NELL1: variants seen among roughly 807,000 people sequenced by gnomAD.
The protein encoded by NELL1 is protein kinase C-binding protein NELL1.
In NELL1, 76 loss-of-function variants were observed where a neutral mutation model predicts 107.4. That is an observed-to-expected ratio of 0.71 (90% CI 0.59 to 0.86). NELL1 has a LOEUF of 0.86. NELL1 is among the 40% of genes least tolerant of loss of function. The pLI, the probability that NELL1 is intolerant of heterozygous loss-of-function variation, is 0.00. For missense variants in NELL1, 1,024 were observed against 1,005.5 expected, an observed-to-expected ratio of 1.02 and a Z score of -0.25; for synonymous variants, 353 against 341.2, an observed-to-expected ratio of 1.03 and a Z score of -0.38.
intron 5 of NELL1, among the ~76,000 whole-genome samples, chr11:20,914,518 G>A (rs2134153101): frequency 6.6e-6 from 1 of 152,226 alleles, no homozygotes; most frequent in African/African-American, 2.4e-5. Flanking sequence ...GCAGGCTTCA[G>A]GGAGAATATA....
At chr11:21,311,271 G>C (rs1332569051) in intron 14 of NELL1, among the ~76,000 whole-genome samples, 1 of 152,130 alleles carries the variant, frequency 6.6e-6, no homozygotes, top group Non-Finnish European at 1.5e-5. Flanking sequence ...GCATAAATCT[G>C]TGTGGAATAT....
intron 16 of NELL1, among the ~76,000 whole-genome samples, chr11:21,540,059 A>G (rs985278321): frequency 2.0e-5 from 3 of 152,038 alleles, no homozygotes; most frequent in Admixed American, 6.6e-5. Context: ...TTATAAATTC[A>G]TAATATTTTT....
intron 12 of NELL1, among the ~76,000 whole-genome samples, chr11:21,043,861 G>A (rs1354869706): frequency 6.6e-6 from 1 of 152,164 alleles, no homozygotes; most frequent in Non-Finnish European, 1.5e-5. Flanking sequence ...AGTAACCGCA[G>A]ATAATGGAGT....
chr11:20,762,648 G>A (rs961070538), intron 2 of NELL1, among the ~76,000 whole-genome samples: 2 of 152,166 alleles, frequency 1.3e-5, no homozygotes, highest in African/African-American at 2.4e-5. Flanking sequence ...CCATGCGTAT[G>A]GTGAATAAGA....
At chr11:20,775,927 A>G (rs1157490584) in intron 2 of NELL1, among the ~76,000 whole-genome samples, 1 of 152,186 alleles carries the variant, frequency 6.6e-6, no homozygotes, top group East Asian at 1.9e-4. Context: ...TAGGCAGCTC[A>G]TTACTTGAAT....
chr11:21,096,800 G>T (rs1185987089), intron 12 of NELL1, among the ~76,000 whole-genome samples: 1 of 151,950 alleles, frequency 6.6e-6, no homozygotes, highest in East Asian at 1.9e-4. Flanking sequence ...CTATAGCCTT[G>T]ACCTCCTGTA....
intron 13 of NELL1, among the ~76,000 whole-genome samples, chr11:21,130,020 C>T (rs954474646): frequency 6.6e-6 from 1 of 152,158 alleles, no homozygotes; most frequent in African/African-American, 2.4e-5. Context: ...TGCAGTAGGT[C>T]TAATTTCTTT....
At chr11:21,070,485 A>G (rs1432717408) in intron 12 of NELL1, among the ~76,000 whole-genome samples, 3 of 152,148 alleles carry the variant, frequency 2.0e-5, no homozygotes, top group African/African-American at 7.2e-5. Context: ...GGCTGATTCA[A>G]TAGCAGTAAA....
intron 13 of NELL1, among the ~76,000 whole-genome samples, chr11:21,133,227 C>T (rs934341575): frequency 6.6e-6 from 1 of 152,174 alleles, no homozygotes; most frequent in Non-Finnish European, 1.5e-5. Flanking sequence ...CCTGACCTCT[C>T]TCTTTGAGTC....
chr11:21,570,998 C>CA, intron 18 of NELL1, 58 bp downstream of exon 18: 1 of 1,532,086 alleles, frequency 6.5e-7, no homozygotes, highest in Non-Finnish European at 8.9e-7. Flanking sequence ...GTTACAAATT[C>CA]AGTTGTCTGT....
chr11:20,742,663 C>A (rs926699163), intron 2 of NELL1, among the ~76,000 whole-genome samples: 1 of 152,158 alleles, frequency 6.6e-6, no homozygotes, highest in Non-Finnish European at 1.5e-5. Flanking sequence ...ACCATCAGAT[C>A]TCATGAGACT....
intron 12 of NELL1, among the ~76,000 whole-genome samples, chr11:21,059,749 C>G (rs755611380): frequency 6.6e-6 from 1 of 152,066 alleles, no homozygotes; most frequent in African/African-American, 2.4e-5. Context: ...GTTTGCCTTT[C>G]GCTACTGCAT....
intron 13 of NELL1, chr11:21,170,019 A>G (rs1856569946): frequency 8.2e-7 from 1 of 1,215,614 alleles, no homozygotes; most frequent in Non-Finnish European, 1.2e-6. Context: ...TCAGATGTGG[A>G]CAGGGTTGTC....
rs554430004 is a variant in NELL1 at position 20,776,911 on chromosome 11, G to A, written c.185-6769G>A. Among the ~76,000 whole-genome samples, 3 of 152,320 alleles carry A rather than the reference G, an allele frequency of 2.0e-5. No homozygotes were observed. In the South Asian group the frequency reaches 6.2e-4, roughly 32 times the overall value. On this transcript the variant is annotated intron_variant, in intron 2 of 19. Coordinates refer to ENST00000357134, the MANE Select transcript of NELL1 (RefSeq NM_006157.5). Reference sequence around the variant, plus strand: ...CTTGGGCAAGTCATGAAACCTCTCTGTGCCTCAGTTCCTTCACCTGTAAAA... The same window carrying A: ...CTTGGGCAAGTCATGAAACCTCTCTATGCCTCAGTTCCTTCACCTGTAAAA...
At chr11:20,901,717 CAG>C (rs150342708) in intron 5 of NELL1, among the ~76,000 whole-genome samples, 4,288 of 152,126 alleles carry the variant, frequency 0.028, 111 homozygotes, top group East Asian at 0.16. Context: ...TAGCAATCAG[CAG>C]AGTGTGATAT....
chr11:21,110,584 T>C (rs1320746737), intron 12 of NELL1, among the ~76,000 whole-genome samples: 1 of 152,098 alleles, frequency 6.6e-6, no homozygotes, highest in African/African-American at 2.4e-5. Context: ...CTGGAAGGTG[T>C]TGACAAGGGT....
At chr11:21,205,889 A>T (rs1344429893) in intron 13 of NELL1, among the ~76,000 whole-genome samples, 1 of 152,108 alleles carries the variant, frequency 6.6e-6, no homozygotes, top group Non-Finnish European at 1.5e-5. Context: ...TCTTCCCCTT[A>T]CCTGCCAAAG....
chr11:21,242,503 T>C (rs1858389523), intron 14 of NELL1, among the ~76,000 whole-genome samples: 2 of 152,088 alleles, frequency 1.3e-5, no homozygotes, highest in Non-Finnish European at 2.9e-5. Flanking sequence ...ACAGATATTG[T>C]TTGGTTCCAG....
chr11:21,025,780 G>C (rs528061388), intron 12 of NELL1, among the ~76,000 whole-genome samples: 2 of 152,188 alleles, frequency 1.3e-5, no homozygotes, highest in South Asian at 4.1e-4. Context: ...TCCACTTGAC[G>C]TTGAAAATGA....
Sources: allele counts gnomAD v4.1 joint callset (sites outside exome capture counted in the v4.1 genomes callset), GRCh38; gene constraint gnomAD v4.1.1; transcripts MANE v1.5; gene names NCBI Gene and HGNC (gene_info 2026-07-23, HGNC 2026-07-21).